Variants in KANSL3 observed in about 807,000 individuals in gnomAD.
The protein encoded by KANSL3 is NSL complex protein NSL3.
A neutral mutation model predicts 89.2 loss-of-function variants in KANSL3; 16 were observed. The observed-to-expected ratio is 0.18, with a 90% confidence interval of 0.12 to 0.27. KANSL3 has a LOEUF of 0.27. Ranked by LOEUF, KANSL3 falls within the 10% of genes least tolerant of loss-of-function variation. The probability of loss-of-function intolerance (pLI) is 1.00; values close to 1 mark genes in which losing one functional copy is unlikely to be tolerated. For synonymous variants in KANSL3, 385 were observed against 419.7 expected (o/e 0.92, Z 1.01); for missense variants, 879 against 1,110.6 (o/e 0.79, Z 2.96).
At chr2:96,602,927 C>T (rs1027106382) in intron 17 of KANSL3, 65 bp from the exon 18 acceptor site, 11 of 1,449,184 alleles carry the variant, frequency 7.6e-6, no homozygotes, top group Admixed American at 1.7e-5. Context: ...AGAGCAGCCA[C>T]ATCCATCCAC....
intron 20 of KANSL3, among the ~76,000 whole-genome samples, chr2:96,597,126 G>C (rs188283094): frequency 3.3e-5 from 5 of 152,162 alleles, no homozygotes; most frequent in Non-Finnish European, 5.9e-5. Context: ...TTGCAGTATG[G>C]AACCCCAAAA....
In KANSL3 at chr2:96,594,544, C is replaced by G. The variant is rs561172660; in HGVS notation, c.*1067G>C. 6.6e-6 allele frequency: 1 copy of G among 152,232 alleles called. No homozygotes were observed. The highest frequency in any genetic ancestry group is 1.9e-4 in the East Asian group (1 of 5,180). The allele number at this position is 152,232 out of a possible 1,614,324, so 9.4% of individuals were successfully genotyped here. ...GACAAAAAGTCTCATGAAATAGAAA[C>G]GAAAACACTGAAGCATGGCCTTCAT... On this transcript the variant is annotated 3_prime_UTR_variant, in exon 21 of 21. Coordinates refer to ENST00000431828, the MANE Select transcript of KANSL3 (RefSeq NM_001115016.3).
intron 20 of KANSL3, among the ~76,000 whole-genome samples, chr2:96,600,211 A>G (rs1203972334): frequency 6.6e-5 from 10 of 150,618 alleles, no homozygotes; most frequent in African/African-American, 2.5e-4. Context: ...CTGTAATCCC[A>G]TATTTGTACA....
the KANSL3 span, among the ~76,000 whole-genome samples, chr2:96,587,913 C>T: frequency 6.6e-6 from 1 of 151,926 alleles, no homozygotes; most frequent in African/African-American, 2.4e-5. Context: ...AGAAGGGACA[C>T]AAGAAAGAAT....
At position 96,604,353 on chromosome 2, in the gene KANSL3, T is replaced by A. The variant is rs769702115; in HGVS notation, c.2046A>T (p.Ser682=). The change falls in exon 17 of 21, where the codon TCA becomes TCT. Residue 682 remains serine, a synonymous_variant. Coordinates refer to ENST00000431828, the MANE Select transcript of KANSL3 (RefSeq NM_001115016.3). ...AGACCACTGAAGGGACTGGGCTGGC[T>A]GAGACTCCACCTTCAGAAGAACTGG... ...AKSSSSEGGV[S]ASPVPSVVSS... is the part of the protein sequence containing the mutation. 4.3e-6 allele frequency: 7 copies of A among 1,612,620 alleles called. No homozygotes were observed. In the South Asian group the frequency reaches 7.7e-5, roughly 18 times the overall value.
chr2:96,580,931 G>C, the KANSL3 span, among the ~76,000 whole-genome samples: 2 of 152,168 alleles, frequency 1.3e-5, no homozygotes, highest in Non-Finnish European at 2.9e-5. Flanking sequence ...CAGAACCAGT[G>C]CTGCCACCTC....
chr2:96,633,842 G>GC, intron 2 of KANSL3, among the ~76,000 whole-genome samples: 1 of 152,302 alleles, frequency 6.6e-6, no homozygotes, highest in African/African-American at 2.4e-5. Flanking sequence ...TCCAGCCTGG[G>GC]TGACAGAGCA....
chr2:96,610,870 G>A lies in KANSL3; in HGVS notation c.1175C>T (p.Pro392Leu), dbSNP rs765720204. 1 of 1,613,878 alleles carries A rather than the reference G, an allele frequency of 6.2e-7. No individual in the cohort carries two copies. Among genetic ancestry groups the A allele is most frequent in the South Asian group, 1.1e-5 (1 of 91,078 alleles). Residue 392 changes from proline to leucine, a missense_variant, in exon 11 of 21, where the codon CCC (proline) becomes CTC (leucine). Transcript: ENST00000431828. ...VDGPRGDVDD[P>L]LLDMKTPVLF... Reference sequence around the variant, plus strand: ...GACTGGAGTCTTCATATCCAAGAGGGGATCATCTACATCCTAAAACAGGTA... The same window carrying A: ...GACTGGAGTCTTCATATCCAAGAGGAGATCATCTACATCCTAAAACAGGTA...
chr2:96,583,468 C>T, the KANSL3 span, among the ~76,000 whole-genome samples: 1 of 152,216 alleles, frequency 6.6e-6, no homozygotes, highest in East Asian at 1.9e-4. Flanking sequence ...ACTTCTATAA[C>T]CGCAGACTAG....
At chr2:96,581,015 C>T in the KANSL3 span, among the ~76,000 whole-genome samples, 7 of 152,230 alleles carry the variant, frequency 4.6e-5, no homozygotes, top group Non-Finnish European at 7.3e-5. Flanking sequence ...CTTCAACCAG[C>T]GGCTGTGCAG....
chr2:96,596,426 G>A (rs1021816511), intron 20 of KANSL3, among the ~76,000 whole-genome samples: 4 of 152,194 alleles, frequency 2.6e-5, no homozygotes, highest in African/African-American at 9.7e-5. Flanking sequence ...AGTGCTGCAT[G>A]CCTTATAGGC....
chr2:96,629,760 C>T (rs1400547648), intron 3 of KANSL3, among the ~76,000 whole-genome samples: 6 of 152,206 alleles, frequency 3.9e-5, no homozygotes, highest in African/African-American at 7.2e-5. Context: ...TCCCAACTTC[C>T]AACCAGCTTC....
intron 14 of KANSL3, chr2:96,606,778 A>G (rs2068045560): frequency 3.3e-6 from 1 of 305,468 alleles, no homozygotes. Context: ...AGAAGCAAAC[A>G]AAAGAATGGA....
rs1218846997 is a variant in KANSL3 at position 96,619,362 on chromosome 2, C to G, written c.660G>C (p.Gly220=). The change falls in exon 5 of 21, where the codon GGG becomes GGC. Residue 220 remains glycine (G), a synonymous_variant. Transcript: ENST00000431828. ...CAGACCCCAATCACAGCCTTACCTT[C>G]CCCTTCAGCGTCTGCAAAGCATCCA... The part of the protein sequence containing the change: ...AYLDALQTLK[G]KIPTLIDRML... 6 of 1,609,984 alleles carry G rather than the reference C, an allele frequency of 3.7e-6. No homozygotes were observed. In the East Asian group the frequency reaches 6.7e-5, roughly 18 times the overall value.
intron 5 of KANSL3, among the ~76,000 whole-genome samples, chr2:96,616,033 A>G (rs2070035397): frequency 6.6e-6 from 1 of 152,252 alleles, no homozygotes; most frequent in Admixed American, 6.5e-5. Context: ...GGATTCCAAC[A>G]GAAGATGAGA....
At chr2:96,608,446 T>C in intron 14 of KANSL3, 62 bp downstream of exon 14, 1 of 1,553,604 alleles carries the variant, frequency 6.4e-7, no homozygotes, top group South Asian at 1.1e-5. Flanking sequence ...ACTGTGCAAC[T>C]GCCATGTGAC....
At chr2:96,591,668 A>G (rs1320904947), downstream of KANSL3, among the ~76,000 whole-genome samples, 1 of 152,196 alleles carries the variant, frequency 6.6e-6, no homozygotes, top group African/African-American at 2.4e-5. Flanking sequence ...GGATACTATG[A>G]TTGGACTGGG....
At chr2:96,590,423 G>T (rs893906143), downstream of KANSL3, among the ~76,000 whole-genome samples, 5 of 151,820 alleles carry the variant, frequency 3.3e-5, no homozygotes, top group African/African-American at 1.2e-4. Flanking sequence ...TTCCCAAGTA[G>T]CCGGGACTAC....
intron 20 of KANSL3, chr2:96,598,273 T>A (rs868593319): frequency 1.3e-5 from 3 of 238,000 alleles, no homozygotes; most frequent in Non-Finnish European, 2.0e-5. Context: ...GCACTTCCCA[T>A]CTCATTCTAC....
Sources: gnomAD v4.1 joint callset for allele counts (sites outside exome capture counted in the v4.1 genomes callset) on GRCh38, gnomAD v4.1.1 for gene constraint, MANE v1.5 for transcripts, NCBI Gene and HGNC (gene_info 2026-07-23, HGNC 2026-07-21) for gene names.